Variants in DCC observed in about 807,000 individuals in gnomAD.
DCC encodes the protein netrin receptor DCC.
In DCC, 58 loss-of-function variants were observed where a neutral mutation model predicts 172.5. That is an observed-to-expected ratio of 0.34 (90% confidence interval 0.27 to 0.42). The LOEUF (loss-of-function observed/expected upper bound fraction) is 0.42, where lower values mean the gene tolerates loss of function less well. Ranked by LOEUF, DCC falls within the 10% of genes least tolerant of loss-of-function variation. The probability of loss-of-function intolerance (pLI) is 1.00; values close to 1 mark genes in which losing one functional copy is unlikely to be tolerated. For synonymous variants in DCC, 709 were observed against 644.5 expected (o/e 1.10, Z -1.52); for missense variants, 1,740 against 1,791.0 (o/e 0.97, Z 0.51).
intron 8 of DCC, among the ~76,000 whole-genome samples, chr18:53,162,074 G>T: frequency 6.6e-6 from 1 of 152,072 alleles, no homozygotes; most frequent in Non-Finnish European, 1.5e-5. Context: ...CGAGGTGAGT[G>T]GATCATTTGA....
At chr18:52,480,313 AG>A (rs2029904884) in intron 1 of DCC, among the ~76,000 whole-genome samples, 1 of 152,168 alleles carries the variant, frequency 6.6e-6, no homozygotes, top group African/African-American at 2.4e-5. Context: ...GCTTAAAATG[AG>A]GATTCTTTTC....
chr18:53,421,555 C>G (rs1438426991), intron 21 of DCC, among the ~76,000 whole-genome samples: 4 of 152,160 alleles, frequency 2.6e-5, no homozygotes. Flanking sequence ...AAGAATTACT[C>G]TCCTGTGAAT....
chr18:53,028,398 T>C (rs1222386584), intron 5 of DCC, among the ~76,000 whole-genome samples: 1 of 152,144 alleles, frequency 6.6e-6, no homozygotes, highest in African/African-American at 2.4e-5. Context: ...TAAACAGACT[T>C]GCCTCTTTTC....
intron 1 of DCC, among the ~76,000 whole-genome samples, chr18:52,552,404 A>G (rs1192682153): frequency 2.0e-5 from 3 of 152,054 alleles, no homozygotes; most frequent in African/African-American, 7.2e-5. Context: ...TACAGTTTTA[A>G]AGGGAAGGTT....
chr18:53,021,099 G>A (rs1328053178), intron 5 of DCC, among the ~76,000 whole-genome samples: 2 of 152,076 alleles, frequency 1.3e-5, no homozygotes, highest in African/African-American at 4.8e-5. Context: ...ACCCACTGAC[G>A]GCCTGAGGGA....
At chr18:52,544,892 A>G (rs1402939680) in intron 1 of DCC, among the ~76,000 whole-genome samples, 1 of 152,198 alleles carries the variant, frequency 6.6e-6, no homozygotes, top group South Asian at 2.1e-4. Flanking sequence ...ATTCTCACCC[A>G]TTAAACCTAA....
At chr18:52,566,560 G>A (rs2033165798) in intron 1 of DCC, among the ~76,000 whole-genome samples, 2 of 152,084 alleles carry the variant, frequency 1.3e-5, no homozygotes, top group East Asian at 1.9e-4. Flanking sequence ...AACTGACCCA[G>A]GTCACGTTGC....
chr18:52,856,582 C>T (rs1024343050), intron 2 of DCC, among the ~76,000 whole-genome samples: 3 of 137,984 alleles, frequency 2.2e-5, no homozygotes, highest in Admixed American at 8.1e-5. Context: ...GCCGGGATTG[C>T]GCCACTGCAC....
At chr18:53,032,088 C>T (rs2042033361) in intron 5 of DCC, among the ~76,000 whole-genome samples, 1 of 152,034 alleles carries the variant, frequency 6.6e-6, no homozygotes, top group Non-Finnish European at 1.5e-5. Flanking sequence ...TGTTTGGGTA[C>T]AGAAGACAAT....
chr18:52,989,485 G>C (rs1283139104), intron 5 of DCC, among the ~76,000 whole-genome samples: 1 of 152,056 alleles, frequency 6.6e-6, no homozygotes, highest in Non-Finnish European at 1.5e-5. Flanking sequence ...ATCACACCAT[G>C]GCACTACAGC....
At chr18:52,891,699 T>A (rs1291606740) in intron 2 of DCC, among the ~76,000 whole-genome samples, 1 of 152,130 alleles carries the variant, frequency 6.6e-6, no homozygotes, top group African/African-American at 2.4e-5. Context: ...AAACTGAGGT[T>A]TGTTCTTGAC....
At chr18:52,529,967 A>C (rs2032098857) in intron 1 of DCC, among the ~76,000 whole-genome samples, 1 of 152,228 alleles carries the variant, frequency 6.6e-6, no homozygotes. Flanking sequence ...AAATTTTAGC[A>C]AAGTCTATAA....
chr18:52,824,866 A>T (rs2038481104), intron 2 of DCC, among the ~76,000 whole-genome samples: 1 of 152,010 alleles, frequency 6.6e-6, no homozygotes, highest in Admixed American at 6.6e-5. Context: ...GCTACTTGGG[A>T]GGCTGAGGCA....
At chr18:53,409,844 T>C (rs1909878690) in intron 19 of DCC, among the ~76,000 whole-genome samples, 1 of 152,192 alleles carries the variant, frequency 6.6e-6, no homozygotes, top group Non-Finnish European at 1.5e-5. Flanking sequence ...AATAGTATAC[T>C]GGTAAAGAAT....
At chr18:52,942,985 T>C (rs1036633199) in intron 5 of DCC, among the ~76,000 whole-genome samples, 14 of 152,224 alleles carry the variant, frequency 9.2e-5, no homozygotes, top group African/African-American at 3.4e-4. Flanking sequence ...TAATGGTAGA[T>C]ATAAAATACT....
intron 1 of DCC, among the ~76,000 whole-genome samples, chr18:52,687,319 T>C (rs894519559): frequency 6.6e-6 from 1 of 150,418 alleles, no homozygotes; most frequent in African/African-American, 2.4e-5. Flanking sequence ...AGTCTTGCTC[T>C]TGTCCCCCAG....
intron 2 of DCC, among the ~76,000 whole-genome samples, chr18:52,759,372 G>T (rs187876318): frequency 2.0e-5 from 3 of 152,060 alleles, no homozygotes; most frequent in African/African-American, 7.2e-5. Flanking sequence ...ACTTGACAAG[G>T]CTTTTTATAG....
At chr18:53,341,657 G>A (rs529524745) in intron 15 of DCC, among the ~76,000 whole-genome samples, 1 of 152,072 alleles carries the variant, frequency 6.6e-6, no homozygotes, top group Non-Finnish European at 1.5e-5. Context: ...TTAGCATGTT[G>A]TTGTTCATTA....
rs1008342832 is a variant in DCC, at chr18:53,371,024, A to G, written c.2360-15019A>G. On this transcript the variant is annotated intron_variant, in intron 15 of 28. Transcript: ENST00000442544. ...CTGTTAACAATATTTTTTGGAAATTATTGTTGGCAAAGTCTTTTAGAAATT... is the reference window on the plus strand; with the variant it reads ...CTGTTAACAATATTTTTTGGAAATTGTTGTTGGCAAAGTCTTTTAGAAATT... Among the ~76,000 whole-genome samples the G allele has an allele frequency of 9.3e-4, 141 of 152,024 alleles. 1 individual carries two copies. The highest frequency in any genetic ancestry group is 3.0e-3 in the African/African-American group (125 of 41,548).
Sources: allele counts gnomAD v4.1 joint callset (sites outside exome capture counted in the v4.1 genomes callset), GRCh38; gene constraint gnomAD v4.1.1; transcripts MANE v1.5; gene names NCBI Gene and HGNC (gene_info 2026-07-23, HGNC 2026-07-21).